Variants in UBR3 observed in about 807,000 individuals in gnomAD.
The protein encoded by UBR3 is ubiquitin protein ligase E3 component n-recognin 3, also known as E3 ubiquitin-protein ligase UBR3.
UBR3 carries 85 observed loss-of-function variants against 243.2 expected under a neutral mutation model. That is an observed-to-expected ratio of 0.35 (90% CI 0.29 to 0.42). The LOEUF (loss-of-function observed/expected upper bound fraction) is 0.42, where lower values mean the gene tolerates loss of function less well. Among genes scored for constraint, UBR3 ranks in the 10% least tolerant of loss-of-function variants. The probability of loss-of-function intolerance (pLI) is 1.00; values close to 1 mark genes in which losing one functional copy is unlikely to be tolerated. For missense variants in UBR3, 1,686 were observed against 2,300.8 expected (o/e 0.73, Z 5.47); for synonymous variants, 748 against 799.8 (o/e 0.94, Z 1.09).
intron 1 of UBR3, among the ~76,000 whole-genome samples, chr2:169,831,369 T>TG (rs1406693741): frequency 2.0e-5 from 3 of 150,998 alleles, no homozygotes; most frequent in Admixed American, 1.3e-4. Context: ...AGGCTGGTCT[T>TG]GAACTCCTGA....
rs1432930625 is a variant in UBR3, at chr2:169,923,964, A to G, written c.1902A>G (p.Leu634=). Residue 634 remains leucine, a synonymous_variant, in exon 12 of 39, where the codon CTA becomes CTG. Coordinates refer to ENST00000272793, the MANE Select transcript of UBR3 (RefSeq NM_172070.4). ...APNQVTFHLP[L]HRYYAMFLSK... ...ACCAAGTCACTTTTCATCTGCCACT[A>G]CATCGTTACTATGCTATGTTTTTGA... is the stretch of plus-strand genomic sequence containing the variant. 1.2e-5 allele frequency: 19 copies of G among 1,547,826 alleles called. No homozygotes were observed. The highest frequency in any genetic ancestry group is 4.0e-5 in the Admixed American group (2 of 50,222).
chr2:169,955,051 C>G (rs2087214420), intron 23 of UBR3, among the ~76,000 whole-genome samples: 1 of 152,016 alleles, frequency 6.6e-6, no homozygotes, highest in Non-Finnish European at 1.5e-5. Context: ...GTCTGTTTTC[C>G]CTTTATGTTT....
At chr2:169,972,186 C>A (rs186942930) in intron 24 of UBR3, among the ~76,000 whole-genome samples, 297 of 152,298 alleles carry the variant, frequency 2.0e-3, no homozygotes, top group South Asian at 5.0e-3. Context: ...AATTCCTCGA[C>A]ACATACACTC....
chr2:169,892,109 G>C (rs2084398853), intron 6 of UBR3, among the ~76,000 whole-genome samples: 1 of 152,178 alleles, frequency 6.6e-6, no homozygotes, highest in African/African-American at 2.4e-5. Flanking sequence ...TTGAGTTGCA[G>C]GTTCCTTTTC....
rs774275662 is a variant in UBR3 at position 169,986,756 on chromosome 2, G to A, written c.3746G>A (p.Arg1249Gln). Reference sequence around the variant, plus strand: ...CAGAGTGGCCCCTCCTCTGAAGATCGACCTACTGGATTAGTTGTACTGTTA... The same window carrying A: ...CAGAGTGGCCCCTCCTCTGAAGATCAACCTACTGGATTAGTTGTACTGTTA... ...CGQSGPSSED[R>Q]PTGLVVLLQA... The change falls in exon 25 of 39, where the codon CGA (arginine) becomes CAA (glutamine). Residue 1249 changes from arginine (R) to glutamine (Q), a missense_variant. Coordinates refer to ENST00000272793, the MANE Select transcript of UBR3 (RefSeq NM_172070.4). The A allele has an allele frequency of 2.5e-6, 4 of 1,614,048 alleles. No homozygotes were observed. The highest frequency in any genetic ancestry group is 3.4e-6 in the Non-Finnish European group (4 of 1,180,002).
At chr2:169,892,450 T>C (rs1218980856) in intron 6 of UBR3, among the ~76,000 whole-genome samples, 2 of 152,242 alleles carry the variant, frequency 1.3e-5, no homozygotes, top group African/African-American at 2.4e-5. Context: ...TGACTGAAGA[T>C]ACTTTTTATG....
intron 1 of UBR3, among the ~76,000 whole-genome samples, chr2:169,833,134 C>T (rs1467800698): frequency 6.6e-6 from 1 of 152,132 alleles, no homozygotes; most frequent in Admixed American, 6.6e-5. Context: ...AGTGTCAGAT[C>T]CCATGAATTC....
intron 30 of UBR3, among the ~76,000 whole-genome samples, chr2:170,018,451 C>A (rs1356579406): frequency 6.6e-6 from 1 of 152,146 alleles, no homozygotes; most frequent in African/African-American, 2.4e-5. Context: ...TCCTCCTTAC[C>A]CACCAGGGAA....
At chr2:169,874,785 T>C (rs1346733559) in intron 2 of UBR3, among the ~76,000 whole-genome samples, 3 of 152,216 alleles carry the variant, frequency 2.0e-5, no homozygotes, top group African/African-American at 7.2e-5. Context: ...TGAATAAATG[T>C]TGAATGAAAT....
chr2:169,967,879 A>G (rs538813614), intron 24 of UBR3, among the ~76,000 whole-genome samples: 1 of 151,594 alleles, frequency 6.6e-6, no homozygotes, highest in African/African-American at 2.4e-5. Flanking sequence ...TTATATAAAT[A>G]TATATAATTA....
chr2:169,935,979 T>A (rs780624962), intron 19 of UBR3, among the ~76,000 whole-genome samples: 11 of 152,240 alleles, frequency 7.2e-5, no homozygotes, highest in Non-Finnish European at 1.5e-4. Flanking sequence ...TATTTCATCA[T>A]GACTATTGGG....
chr2:169,878,482 T>C (rs1368649113), intron 4 of UBR3, 43 bp from the exon 5 acceptor site: 1 of 1,519,018 alleles, frequency 6.6e-7, no homozygotes, highest in Non-Finnish European at 8.9e-7. Flanking sequence ...TAAAGCAATA[T>C]GTAGCAACTA....
intron 27 of UBR3, among the ~76,000 whole-genome samples, chr2:170,005,381 ACT>A (rs1559178650): frequency 2.0e-5 from 3 of 152,202 alleles, no homozygotes; most frequent in Non-Finnish European, 2.9e-5. Context: ...CTCTGACAAC[ACT>A]CAGTTTGAGT....
intron 20 of UBR3, among the ~76,000 whole-genome samples, chr2:169,943,900 T>G (rs1019644942): frequency 2.0e-5 from 3 of 152,164 alleles, no homozygotes; most frequent in African/African-American, 7.2e-5. Flanking sequence ...TACTTTTAAA[T>G]TTCTATACTT....
intron 6 of UBR3, among the ~76,000 whole-genome samples, chr2:169,894,793 A>G (rs1164038399): frequency 6.6e-6 from 1 of 152,216 alleles, no homozygotes; most frequent in Non-Finnish European, 1.5e-5. Context: ...CGTGTGAGAT[A>G]CTGTTTTTTC....
chr2:169,974,364 AT>A (rs1477214665), intron 24 of UBR3, among the ~76,000 whole-genome samples: 1 of 152,014 alleles, frequency 6.6e-6, no homozygotes, highest in African/African-American at 2.4e-5. Context: ...ATCTGTTCAG[AT>A]TTTTAATTTC....
intron 21 of UBR3, 112 bp from the exon 22 acceptor site, chr2:169,947,430 G>C (rs759415247): frequency 3.6e-5 from 28 of 775,316 alleles, no homozygotes; most frequent in Non-Finnish European, 4.8e-5. Flanking sequence ...GAGACAATAA[G>C]GGATTCAGGA....
chr2:169,979,570 A>G (rs527390862), intron 24 of UBR3, among the ~76,000 whole-genome samples: 16 of 152,344 alleles, frequency 1.1e-4, no homozygotes, highest in South Asian at 8.3e-4. Context: ...GTCCAGCAAT[A>G]AAAAGGAATG....
chr2:170,081,930 A>G lies in UBR3; in HGVS notation c.*87A>G. The stretch of plus-strand genomic sequence containing the variant: ...AGCTTTAACTTAATTTGGGGGATTA[A>G]CACTTTTGCTGAGGGAGAAAAAGAA... On this transcript the variant is annotated 3_prime_UTR_variant, in exon 39 of 39. Transcript: ENST00000272793. 2 of 965,024 alleles carry G rather than the reference A, an allele frequency of 2.1e-6. No homozygotes were observed. The highest frequency in any genetic ancestry group is 2.9e-6 in the Non-Finnish European group (2 of 682,238). The allele number at this position is 965,024 out of a possible 1,614,324, so 59.8% of individuals were successfully genotyped here. A position where few individuals can be genotyped will look rare whatever the true frequency, so the allele number is the denominator to read the frequency against.
Sources: allele counts gnomAD v4.1 joint callset (sites outside exome capture counted in the v4.1 genomes callset), GRCh38; gene constraint gnomAD v4.1.1; transcripts MANE v1.5; gene names NCBI Gene and HGNC (gene_info 2026-07-23, HGNC 2026-07-21).